ZNF208: variants seen among roughly 807,000 people sequenced by gnomAD.
The protein encoded by ZNF208 is zinc finger protein 95.
ZNF208 carries 10 observed loss-of-function variants against 12.1 expected under a neutral mutation model. The observed-to-expected ratio is 0.83, with a 90% confidence interval of 0.51 to 1.40. ZNF208 has a LOEUF of 1.40. Among genes scored for constraint, ZNF208 ranks in the 40% most tolerant of loss-of-function variants. The pLI, the probability that ZNF208 is intolerant of heterozygous loss-of-function variation, is 0.00. For synonymous variants in ZNF208, 497 were observed against 488.4 expected (o/e 1.02, Z -0.23); for missense variants, 1,652 against 1,485.0 (o/e 1.11, Z -1.85).
chr19:21,970,339 T>C lies in ZNF208; in HGVS notation c.*852A>G, dbSNP rs1970255907. The stretch of plus-strand genomic sequence containing the variant: ...AGGACTGGTTAAGGGCATTGCAACA[T>C]TCCACACAATTGTAGGAATTCCCTC... On this transcript the variant is annotated 3_prime_UTR_variant, in exon 4 of 4. Transcript: ENST00000397126. 6.6e-6 allele frequency among the ~76,000 whole-genome samples: 1 copy of C among 152,150 alleles called. No individual in the cohort carries two copies. Among genetic ancestry groups the C allele is most frequent in the Non-Finnish European group, 1.5e-5 (1 of 68,012 alleles).
chr19:21,977,395 C>T (rs1013282753), intron 3 of ZNF208, among the ~76,000 whole-genome samples: 22 of 152,182 alleles, frequency 1.4e-4, no homozygotes, highest in African/African-American at 5.3e-4. Flanking sequence ...CTCATTCCAA[C>T]TGGTTGAACA....
At chr19:21,959,962 A>G (rs1849006) in intron 4 of ZNF208, among the ~76,000 whole-genome samples, 1 of 151,820 alleles carries the variant, frequency 6.6e-6, no homozygotes, top group Non-Finnish European at 1.5e-5. Flanking sequence ...CTTAGTATTT[A>G]TGAATAATTT....
chr19:21,948,970 G>A (rs1464496148), intron 4 of ZNF208, among the ~76,000 whole-genome samples: 1 of 152,176 alleles, frequency 6.6e-6, no homozygotes, highest in East Asian at 1.9e-4. Context: ...ACTTCCTGAT[G>A]TGCATATTAG....
At chr19:21,960,015 G>A (rs1970038836) in intron 4 of ZNF208, among the ~76,000 whole-genome samples, 1 of 151,930 alleles carries the variant, frequency 6.6e-6, no homozygotes, top group African/African-American at 2.4e-5. Context: ...AGCTTTTCTG[G>A]TAATACAGCA....
intron 4 of ZNF208, among the ~76,000 whole-genome samples, chr19:21,961,052 C>T (rs1439243996): frequency 6.6e-6 from 1 of 152,216 alleles, no homozygotes; most frequent in African/African-American, 2.4e-5. Flanking sequence ...AATCTGTTCA[C>T]CACTCCTTTT....
chr19:21,976,148 T>C (rs937411213), intron 3 of ZNF208, among the ~76,000 whole-genome samples: 1 of 152,148 alleles, frequency 6.6e-6, no homozygotes, highest in Non-Finnish European at 1.5e-5. Context: ...ATTTAAGAGA[T>C]AAAAGCATAG....
downstream of ZNF208, among the ~76,000 whole-genome samples, chr19:21,961,438 G>A (rs1432635420): frequency 6.6e-6 from 1 of 152,142 alleles, no homozygotes; most frequent in Non-Finnish European, 1.5e-5. Context: ...GGCAAAATTA[G>A]CATTACTGAT....
At chr19:22,003,591 T>A (rs1236183352) in intron 1 of ZNF208, among the ~76,000 whole-genome samples, 2 of 151,442 alleles carry the variant, frequency 1.3e-5, no homozygotes, top group Admixed American at 1.3e-4. Flanking sequence ...TCATCACTAA[T>A]CATTAGAGAA....
rs185771782 is a variant in ZNF208, at chr19:22,010,077, C to T, written c.3+715G>A. On this transcript the variant is annotated intron_variant, in intron 1 of 3. Coordinates refer to ENST00000397126, the MANE Select transcript of ZNF208 (RefSeq NM_007153.3). ...GCGGGCGGCTGTAGTCCCAGCTACT[C>T]GGAAGGCTGAGGCAGTGGAATGGCG... Among the ~76,000 whole-genome samples, 214 of 151,062 alleles carry T rather than the reference C, an allele frequency of 1.4e-3. 1 individual carries two copies. The highest frequency in any genetic ancestry group is 5.1e-3 in the African/African-American group (211 of 41,118).
intron 4 of ZNF208, among the ~76,000 whole-genome samples, chr19:21,950,710 G>A (rs1382536329): frequency 6.6e-6 from 1 of 151,864 alleles, no homozygotes; most frequent in Non-Finnish European, 1.5e-5. Flanking sequence ...GGCCAGGCTG[G>A]TCTCAAACTC....
chr19:21,998,934 G>C (rs1970889693), intron 1 of ZNF208: 2 of 151,704 alleles, frequency 1.3e-5, no homozygotes. Context: ...ACGGTTTTTG[G>C]GTAGCCATAT....
At chr19:21,974,847 G>T in intron 3 of ZNF208, 40 bp from the exon 4 acceptor site, 1 of 1,482,166 alleles carries the variant, frequency 6.7e-7, no homozygotes, top group South Asian at 1.4e-5. Context: ...CTACTTATTA[G>T]ACTCAGATAA....
chr19:22,010,798 T>C lies in ZNF208; in HGVS notation c.-4A>G. ...TCGGACCCGGCACACTCACCATTTC[T>C]AGGCTTCCAGGGGGTCCTGGCGACT... is the stretch of plus-strand genomic sequence containing the variant. On this transcript the variant is annotated 5_prime_UTR_variant, in exon 1 of 4. Transcript: ENST00000397126. The C allele has an allele frequency of 1.2e-6, 2 of 1,614,094 alleles. No homozygotes were observed. The highest frequency in any genetic ancestry group is 1.7e-6 in the Non-Finnish European group (2 of 1,179,984).
intron 4 of ZNF208, among the ~76,000 whole-genome samples, chr19:21,952,039 C>A (rs901823014): frequency 6.6e-6 from 1 of 152,232 alleles, no homozygotes; most frequent in African/African-American, 2.4e-5. Flanking sequence ...CAGAGCCTTG[C>A]TCACTGCTAG....
At chr19:21,982,511 C>T (rs755582154) in intron 3 of ZNF208, among the ~76,000 whole-genome samples, 35 of 152,064 alleles carry the variant, frequency 2.3e-4, no homozygotes, top group African/African-American at 7.0e-4. Flanking sequence ...GAAAAAAAAC[C>T]GCTTTAAATT....
chr19:21,991,666 CGAGGCA>C (rs1170531201), intron 1 of ZNF208: 1 of 147,054 alleles, frequency 6.8e-6, no homozygotes, highest in Non-Finnish European at 1.5e-5. Flanking sequence ...CTTGAACCCG[CGAGGCA>C]GAGGTTGCGG....
intron 1 of ZNF208, among the ~76,000 whole-genome samples, chr19:22,004,115 G>A (rs1971002557): frequency 6.6e-6 from 1 of 152,054 alleles, no homozygotes; most frequent in Non-Finnish European, 1.5e-5. Flanking sequence ...AGAGGTTGAG[G>A]TTTCAGTGAG....
rs1362113987 is a variant in ZNF208 at position 21,974,362 on chromosome 19, A to C, written c.672T>G (p.Thr224=). ...STLTYYKSAH[T]GEKPYRCKEC... ...CTTTACATCTGTAGGGTTTCTCTCC[A>C]GTATGAGCACTCTTATAATAAGTAA... The change falls in exon 4 of 4, where the codon ACT becomes ACG. Residue 224 remains threonine, a synonymous_variant. Transcript: ENST00000397126. The C allele has an allele frequency of 1.9e-6, 3 of 1,613,828 alleles. No individual in the cohort carries two copies. The highest frequency in any genetic ancestry group is 2.5e-6 in the Non-Finnish European group (3 of 1,179,820).
At chr19:21,958,392 T>C (rs1329060158) in intron 4 of ZNF208, among the ~76,000 whole-genome samples, 2 of 152,156 alleles carry the variant, frequency 1.3e-5, no homozygotes, top group Non-Finnish European at 2.9e-5. Context: ...TTCTAAGCAA[T>C]TATTCTGCAA....
Sources: gnomAD v4.1 joint callset for allele counts (sites outside exome capture counted in the v4.1 genomes callset) on GRCh38, gnomAD v4.1.1 for gene constraint, MANE v1.5 for transcripts, NCBI Gene and HGNC (gene_info 2026-07-23, HGNC 2026-07-21) for gene names.